PITPNC1: variants seen among roughly 807,000 people sequenced by gnomAD.
PITPNC1 encodes the protein cytoplasmic phosphatidylinositol transfer protein 1.
PITPNC1 carries 18 observed loss-of-function variants against 44.7 expected under a neutral mutation model. That is an observed-to-expected ratio of 0.40 (90% confidence interval 0.28 to 0.60). The LOEUF (loss-of-function observed/expected upper bound fraction) is 0.60, where lower values mean the gene tolerates loss of function less well. Ranked by LOEUF, PITPNC1 falls within the 20% of genes least tolerant of loss-of-function variation. The pLI is 0.39. For synonymous variants in PITPNC1, 141 were observed against 149.6 expected (o/e 0.94, Z 0.42); for missense variants, 290 against 418.4 (o/e 0.69, Z 2.68).
At chr17:67,602,640 A>G (rs1463009601) in intron 5 of PITPNC1, among the ~76,000 whole-genome samples, 3 of 152,198 alleles carry the variant, frequency 2.0e-5, no homozygotes, top group Non-Finnish European at 4.4e-5. Context: ...GTCATCATCA[A>G]TCACCAATGA....
intron 1 of PITPNC1, among the ~76,000 whole-genome samples, chr17:67,498,927 A>G (rs1284459098): frequency 6.7e-6 from 1 of 148,974 alleles, no homozygotes; most frequent in African/African-American, 2.5e-5. Context: ...GCTGGAATGC[A>G]GTAGCACGAT....
At chr17:67,494,390 G>A (rs1193596391) in intron 1 of PITPNC1, among the ~76,000 whole-genome samples, 1 of 151,796 alleles carries the variant, frequency 6.6e-6, no homozygotes, top group Non-Finnish European at 1.5e-5. Context: ...AATAGAGACA[G>A]GGTTTCACCA....
chr17:67,422,027 C>T (rs1005607541), intron 1 of PITPNC1, among the ~76,000 whole-genome samples: 3 of 152,186 alleles, frequency 2.0e-5, no homozygotes, highest in Admixed American at 6.5e-5. Flanking sequence ...AGCCAAGAAT[C>T]TGTGAACCCT....
intron 8 of PITPNC1, among the ~76,000 whole-genome samples, chr17:67,688,065 G>A (rs1207518494): frequency 8.7e-5 from 13 of 149,552 alleles, no homozygotes; most frequent in East Asian, 2.0e-4. Context: ...TCAGCTGGGC[G>A]CGGTGGCTCA....
chr17:67,641,783 A>AAAAT (rs1555575885), intron 6 of PITPNC1, among the ~76,000 whole-genome samples: 1 of 135,930 alleles, frequency 7.4e-6, no homozygotes, highest in African/African-American at 2.7e-5. Context: ...CCCTACCTCA[A>AAAAT]AATAATAATA....
intron 1 of PITPNC1, among the ~76,000 whole-genome samples, chr17:67,446,205 A>G (rs1230442372): frequency 1.3e-5 from 2 of 151,818 alleles, no homozygotes; most frequent in African/African-American, 4.8e-5. Context: ...TCGGCCTCCC[A>G]AAGTGCTAGG....
intron 6 of PITPNC1, among the ~76,000 whole-genome samples, chr17:67,642,274 CG>C (rs2144352119): frequency 6.6e-6 from 1 of 152,168 alleles, no homozygotes; most frequent in Non-Finnish European, 1.5e-5. Context: ...TAAAAAATTC[CG>C]TTGGCCAAGA....
intron 1 of PITPNC1, among the ~76,000 whole-genome samples, chr17:67,530,049 G>A (rs908681149): frequency 2.0e-5 from 3 of 151,050 alleles, no homozygotes; most frequent in Non-Finnish European, 4.4e-5. Flanking sequence ...AGGCTGTGGG[G>A]TGAGGGAAGG....
intron 1 of PITPNC1, among the ~76,000 whole-genome samples, chr17:67,467,054 AT>A (rs10623552): frequency 4.8e-3 from 458 of 95,332 alleles, no homozygotes; most frequent in Middle Eastern, 0.015. Context: ...CAGTTAGGAG[AT>A]TTTTTTTTTT....
At chr17:67,678,533 G>A (rs989098058) in intron 8 of PITPNC1, among the ~76,000 whole-genome samples, 1 of 152,206 alleles carries the variant, frequency 6.6e-6, no homozygotes, top group Non-Finnish European at 1.5e-5. Flanking sequence ...TCACTCAGCA[G>A]TGGTCTGAGA....
intron 1 of PITPNC1, among the ~76,000 whole-genome samples, chr17:67,514,595 C>G (rs1488816125): frequency 6.6e-6 from 1 of 151,474 alleles, no homozygotes; most frequent in Admixed American, 6.6e-5. Context: ...GAGGCTGAGG[C>G]AGACAGATCA....
chr17:67,616,375 A>T (rs1883268504), intron 5 of PITPNC1, among the ~76,000 whole-genome samples: 1 of 152,128 alleles, frequency 6.6e-6, no homozygotes, highest in African/African-American at 2.4e-5. Context: ...TCCTGACCTG[A>T]GGTGATCCAC....
intron 1 of PITPNC1, among the ~76,000 whole-genome samples, chr17:67,415,631 A>T (rs565641748): frequency 1.1e-4 from 16 of 152,282 alleles, no homozygotes; most frequent in African/African-American, 3.6e-4. Context: ...GAATTAATGG[A>T]ATGTTGGCTA....
chr17:67,639,313 G>A (rs1343544683), intron 6 of PITPNC1, among the ~76,000 whole-genome samples: 3 of 152,168 alleles, frequency 2.0e-5, no homozygotes, highest in Non-Finnish European at 4.4e-5. Flanking sequence ...CCTACTGAGT[G>A]CCAGCTCCAC....
chr17:67,520,232 C>T (rs2040308206), intron 1 of PITPNC1, among the ~76,000 whole-genome samples: 1 of 152,078 alleles, frequency 6.6e-6, no homozygotes, highest in Non-Finnish European at 1.5e-5. Context: ...AGTGGATGGA[C>T]CTCTCTGCTG....
chr17:67,440,502 A>T (rs772783611), intron 1 of PITPNC1, among the ~76,000 whole-genome samples: 28 of 9,966 alleles, frequency 2.8e-3, no homozygotes, highest in South Asian at 4.9e-3. Context: ...AAGACTTTTT[A>T]TTTATTTATT....
At chr17:67,507,756 A>G (rs1465701888) in intron 1 of PITPNC1, among the ~76,000 whole-genome samples, 1 of 149,992 alleles carries the variant, frequency 6.7e-6, no homozygotes, top group African/African-American at 2.5e-5. Flanking sequence ...GCAGGAGAGC[A>G]TTTAGGAGGT....
chr17:67,578,720 G>A (rs988344506), intron 5 of PITPNC1, among the ~76,000 whole-genome samples: 4 of 152,238 alleles, frequency 2.6e-5, no homozygotes, highest in Non-Finnish European at 5.9e-5. Flanking sequence ...AGTGGCTCAC[G>A]CCTGTAATCC....
chr17:67,378,920 G>A (rs1389450052), intron 1 of PITPNC1: 33 of 963,542 alleles, frequency 3.4e-5, no homozygotes, highest in Non-Finnish European at 3.9e-5. Context: ...CGTGGTGCCG[G>A]GGCCGCGGCT....
Sources: allele counts gnomAD v4.1 joint callset (sites outside exome capture counted in the v4.1 genomes callset), GRCh38; gene constraint gnomAD v4.1.1; transcripts MANE v1.5; gene names NCBI Gene and HGNC (gene_info 2026-07-23, HGNC 2026-07-21).